The following FER1L5 variants were observed in gnomAD, a reference collection of about 807,000 sequenced individuals.
FER1L5 encodes the protein fer-1 like family member 5.
Under a neutral mutation model 279.9 loss-of-function variants are expected in FER1L5, and 187 were observed. That is an observed-to-expected ratio of 0.67 (90% CI 0.59 to 0.75). The LOEUF is 0.75. Among genes scored for constraint, FER1L5 ranks in the 30% least tolerant of loss-of-function variants. The pLI is 0.00. For missense variants in FER1L5, 2,091 were observed against 2,594.4 expected, an observed-to-expected ratio of 0.81 and a Z score of 4.21; for synonymous variants, 921 against 989.7, an observed-to-expected ratio of 0.93 and a Z score of 1.30.
intron 9 of FER1L5, among the ~76,000 whole-genome samples, chr2:96,659,575 TCCG>T (rs2075871764): frequency 2.0e-5 from 3 of 149,070 alleles, no homozygotes; most frequent in Non-Finnish European, 4.4e-5. Context: ...CATTGCAAGT[TCCG>T]CCTCCCGGGT....
intron 14 of FER1L5, among the ~76,000 whole-genome samples, chr2:96,664,878 G>A (rs956148912): frequency 3.3e-5 from 5 of 152,182 alleles, no homozygotes; most frequent in African/African-American, 1.2e-4. Flanking sequence ...ACTTTGCCCT[G>A]AATATAATTA....
At chr2:96,643,028 G>A in intron 1 of FER1L5, 107 bp downstream of exon 1, 2 of 891,118 alleles carry the variant, frequency 2.2e-6, no homozygotes, top group Non-Finnish European at 1.7e-6. Context: ...GATGCCCTGT[G>A]TAACACAAAG....
At chr2:96,660,859 T>C (rs2075928169) in intron 10 of FER1L5, among the ~76,000 whole-genome samples, 2 of 152,222 alleles carry the variant, frequency 1.3e-5, no homozygotes, top group African/African-American at 4.8e-5. Flanking sequence ...TGGCCTATTT[T>C]AATTTATAGT....
chr2:96,651,247 CT>C (rs775297435), intron 6 of FER1L5, among the ~76,000 whole-genome samples: 2 of 99,300 alleles, frequency 2.0e-5, no homozygotes, highest in Admixed American at 9.2e-5. Flanking sequence ...CTCTTTCTTT[CT>C]TTCTTTCTTT....
intron 19 of FER1L5, among the ~76,000 whole-genome samples, chr2:96,681,772 T>TTTTATTTATTTA (rs140007368): frequency 0.15 from 21,723 of 147,464 alleles, 2,137 homozygotes; most frequent in East Asian, 0.21. Flanking sequence ...TGAGAGATTA[T>TTTTATTTATTTA]TTTATTTATT....
At position 96,691,538 on chromosome 2, in the gene FER1L5, C is replaced by T. The variant is rs1037047259; in HGVS notation, c.3001C>T (p.Arg1001Cys). 2.0e-5 allele frequency: 31 copies of T among 1,549,918 alleles called. No homozygotes were observed. The African/African-American group carries it at 2.1e-4, about 10-fold the overall frequency. The change falls in exon 29 of 53, where the codon CGC (arginine) becomes TGC (cysteine). Residue 1001 changes from arginine (R) to cysteine (C), a missense_variant. Arg to Cys is a radical substitution (Grantham distance 180). Transcript: ENST00000624922. This position sits in a 1 kb window ranked among gnomAD's most constrained non-coding sequence, Gnocchi z 6.0. ...TCAGCCCCAGAGCCGGTTCCGCCGCCGCTGCTGGCGCCGCAGGCTGGCCCC... is the reference window on the plus strand; with the variant it reads ...TCAGCCCCAGAGCCGGTTCCGCCGCTGCTGCTGGCGCCGCAGGCTGGCCCC... ...NPQPQSRFRRRCWRRRLAPNK... is the reference protein window; with the variant it reads ...NPQPQSRFRRCCWRRRLAPNK...
chr2:96,659,311 T>TCTCTC, intron 9 of FER1L5, among the ~76,000 whole-genome samples: 29 of 50,960 alleles, frequency 5.7e-4, no homozygotes, highest in African/African-American at 1.5e-3. Context: ...CCTTCCTTCC[T>TCTCTC]TCCTTCCTTC....
chr2:96,700,233 A>G, intron 44 of FER1L5, 99 bp from the exon 45 acceptor site: 1 of 1,571,656 alleles, frequency 6.4e-7, no homozygotes, highest in Non-Finnish European at 8.6e-7. Context: ...TTTCCCCTTC[A>G]CTCCTACCCA....
intron 34 of FER1L5, 137 bp from the exon 35 acceptor site, chr2:96,695,372 C>A: frequency 8.6e-7 from 1 of 1,156,128 alleles, no homozygotes; most frequent in Non-Finnish European, 1.2e-6. Context: ...CAGACACTGG[C>A]TCCTCTGCAG....
intron 8 of FER1L5, 101 bp from the exon 9 acceptor site, chr2:96,654,345 C>T (rs192226358): frequency 7.3e-5 from 29 of 395,906 alleles, no homozygotes; most frequent in Middle Eastern, 1.3e-3. Flanking sequence ...GCATTCAATA[C>T]GTCAGGAGGA....
Position 96,704,267 on chromosome 2 carries a change from T to C in FER1L5, c.5854T>C (p.Tyr1952His). ...GCGGTCACCAGTTCAAAACTTCTGC[T>C]ATATTTTCTGGAAACGCTATCGCTT... Reference protein sequence around the residue: ...WLRSPVQNFCYIFWKRYRFKL... With the variant: ...WLRSPVQNFCHIFWKRYRFKL... Residue 1952 changes from tyrosine to histidine, a missense_variant, in exon 52 of 53, where the codon TAT becomes CAT. Physicochemically the swap from Tyr to His is moderately conservative, Grantham distance 83 (BLOSUM62 2). Transcript: ENST00000624922. The C allele has an allele frequency of 6.2e-7, 1 of 1,614,056 alleles. No homozygotes were observed. Among genetic ancestry groups the C allele is most frequent in the Non-Finnish European group, 8.5e-7 (1 of 1,179,900 alleles).
chr2:96,704,319 C>T lies in FER1L5; in HGVS notation c.5906C>T (p.Ser1969Leu), dbSNP rs187999544. 1.1e-5 allele frequency: 18 copies of T among 1,613,946 alleles called. No individual in the cohort carries two copies. The African/African-American group carries it at 1.9e-4, about 17-fold the overall frequency. Residue 1969 changes from serine (S) to leucine (L), a missense_variant, in exon 52 of 53, where the codon TCG becomes TTG. By Grantham distance (145) the Ser-to-Leu change is moderately radical. Transcript: ENST00000624922. ...RFKLIAFMVI[S>L]IIALMLFNFI... ...AAACTCATAGCCTTTATGGTCATAT[C>T]GATTATAGCACTTATGCTGTTTAAC...
chr2:96,704,252 G>A lies in FER1L5; in HGVS notation c.5839G>A (p.Val1947Ile). Residue 1947 changes from valine to isoleucine, a missense_variant, in exon 52 of 53, where the codon GTT becomes ATT. Physicochemically the swap from Val to Ile is conservative, Grantham distance 29 (BLOSUM62 3). Transcript: ENST00000624922. ...NTSFTWLRSP[V>I]QNFCYIFWKR... is the part of the protein sequence containing the mutation. Reference sequence around the variant, plus strand: ...CTCTTTCACGTGGCTGCGGTCACCAGTTCAAAACTTCTGCTATATTTTCTG... The same window carrying A: ...CTCTTTCACGTGGCTGCGGTCACCAATTCAAAACTTCTGCTATATTTTCTG... 6.2e-7 allele frequency: 1 copy of A among 1,613,994 alleles called. No individual in the cohort carries two copies. The highest frequency in any genetic ancestry group is 1.1e-5 in the South Asian group (1 of 91,088).
chr2:96,685,504 G>A (rs2076886861), intron 21 of FER1L5, 75 bp downstream of exon 21: 10 of 1,254,744 alleles, frequency 8.0e-6, no homozygotes, highest in Admixed American at 4.7e-5. Context: ...TCAGCGCAGT[G>A]CCCTGAACAC....
intron 12 of FER1L5, 121 bp from the exon 13 acceptor site, chr2:96,662,094 T>A (rs577336965): frequency 1.5e-5 from 15 of 1,000,614 alleles, no homozygotes; most frequent in Admixed American, 1.2e-4. Context: ...TGGAGACAGG[T>A]CTGCCCAGGG....
chr2:96,696,727 C>T (rs1212472617), intron 37 of FER1L5, among the ~76,000 whole-genome samples: 1 of 152,006 alleles, frequency 6.6e-6, no homozygotes, highest in African/African-American at 2.4e-5. Context: ...ACGGTGAAAC[C>T]CCATCTCTAC....
rs562963621 is a variant in FER1L5, at chr2:96,647,172, C to T, written c.230+17C>T. The T allele has an allele frequency of 6.4e-7, 1 of 1,550,860 alleles. No homozygotes were observed. The highest frequency in any genetic ancestry group is 2.4e-5 in the East Asian group (1 of 40,916). ...GAAAGAAAGGTGAGGCAGAGAGAGG[C>T]AGGAGGAGCCTAGCTCCTGACCAAC... On this transcript the variant is annotated intron_variant, in intron 3 of 52. Transcript: ENST00000624922.
chr2:96,659,369 CTT>C (rs1286499233), intron 9 of FER1L5, among the ~76,000 whole-genome samples: 33 of 14,508 alleles, frequency 2.3e-3, no homozygotes, highest in Middle Eastern at 0.045. Flanking sequence ...TTCCTTCTTT[CTT>C]TCTTTCTTTC....
At chr2:96,654,039 A>G (rs1167122777) in intron 8 of FER1L5, 3 of 384,326 alleles carry the variant, frequency 7.8e-6, no homozygotes, top group Non-Finnish European at 9.4e-6. Flanking sequence ...AATGTGGAAC[A>G]TGTGGTTATC....
Sources: gnomAD v4.1 joint callset for allele counts (sites outside exome capture counted in the v4.1 genomes callset) on GRCh38, gnomAD v4.1.1 for gene constraint, Gnocchi (gnomAD v3.1) non-coding constraint, MANE v1.5 for transcripts, NCBI Gene and HGNC (gene_info 2026-07-23, HGNC 2026-07-21) for gene names.